Variants in APBB2 observed in about 807,000 individuals in gnomAD.
APBB2 encodes Fe65-like 1.
Under a neutral mutation model 82.5 loss-of-function variants are expected in APBB2, and 38 were observed. That is an observed-to-expected ratio of 0.46 (90% CI 0.36 to 0.60). The LOEUF (loss-of-function observed/expected upper bound fraction) is 0.60, where lower values mean the gene tolerates loss of function less well. Among genes scored for constraint, APBB2 ranks in the 20% least tolerant of loss-of-function variants. APBB2 has a pLI of 0.00. For missense variants in APBB2, 772 were observed against 972.3 expected (o/e 0.79, Z 2.74); for synonymous variants, 341 against 368.2 (o/e 0.93, Z 0.85).
chr4:40,921,841 C>T (rs543030736), intron 10 of APBB2, among the ~76,000 whole-genome samples: 2 of 152,216 alleles, frequency 1.3e-5, no homozygotes, highest in Admixed American at 6.5e-5. Flanking sequence ...TTGCTAGAGA[C>T]AAGGGTCGCT....
At chr4:41,148,844 A>C (rs1264649420) in intron 1 of APBB2, among the ~76,000 whole-genome samples, 1 of 152,196 alleles carries the variant, frequency 6.6e-6, no homozygotes, top group East Asian at 1.9e-4. Context: ...ACTAAAAAAA[A>C]ATTTCTGCTT....
intron 3 of APBB2, among the ~76,000 whole-genome samples, chr4:41,074,668 G>A (rs1485771203): frequency 6.7e-6 from 1 of 148,760 alleles, no homozygotes; most frequent in Non-Finnish European, 1.5e-5. Context: ...GGAGTGCAGT[G>A]GCACCATCTC....
At chr4:40,881,155 T>C in intron 12 of APBB2, 1 of 985,460 alleles carries the variant, frequency 1.0e-6, no homozygotes, top group Non-Finnish European at 1.2e-6. Context: ...TAAATCGTGA[T>C]GCCTCTGCTT....
chr4:41,159,993 G>A (rs997037792), intron 1 of APBB2, among the ~76,000 whole-genome samples: 1 of 147,880 alleles, frequency 6.8e-6, no homozygotes, highest in African/African-American at 2.6e-5. Flanking sequence ...AGAAGAAGAA[G>A]AAGAAGAAGA....
At chr4:40,863,241 A>G (rs1016270251) in intron 12 of APBB2, among the ~76,000 whole-genome samples, 2 of 152,224 alleles carry the variant, frequency 1.3e-5, no homozygotes, top group African/African-American at 4.8e-5. Flanking sequence ...CTATACTCAC[A>G]GCTATGTGGA....
intron 12 of APBB2, among the ~76,000 whole-genome samples, chr4:40,883,994 G>A: frequency 6.6e-6 from 1 of 152,324 alleles, no homozygotes; most frequent in Non-Finnish European, 1.5e-5. Context: ...CTTCAATGAA[G>A]AAGCCAGACT....
intron 12 of APBB2, among the ~76,000 whole-genome samples, chr4:40,874,964 A>C (rs1399639548): frequency 6.6e-6 from 1 of 152,224 alleles, no homozygotes; most frequent in Non-Finnish European, 1.5e-5. Flanking sequence ...AAAGAAAAAA[A>C]ATCAAAAAGC....
chr4:41,106,211 T>C (rs1747177319), intron 2 of APBB2, among the ~76,000 whole-genome samples: 1 of 152,162 alleles, frequency 6.6e-6, no homozygotes, highest in African/African-American at 2.4e-5. Context: ...GAAACTATAT[T>C]CTCAGGCTCT....
chr4:41,000,006 C>CGTG (rs1804687749), intron 6 of APBB2, among the ~76,000 whole-genome samples: 1 of 146,640 alleles, frequency 6.8e-6, no homozygotes, highest in Admixed American at 6.8e-5. Context: ...TGGTAAAACC[C>CGTG]CGTATTTACA....
chr4:41,135,788 C>T (rs1757394336), intron 2 of APBB2, among the ~76,000 whole-genome samples: 1 of 152,170 alleles, frequency 6.6e-6, no homozygotes, highest in Admixed American at 6.5e-5. Flanking sequence ...ATCCTCATTA[C>T]AGATGTATAC....
chr4:41,147,480 G>GC (rs1335053234), intron 1 of APBB2, among the ~76,000 whole-genome samples: 19 of 116,032 alleles, frequency 1.6e-4, no homozygotes, highest in African/African-American at 3.7e-4. Context: ...TGTTTGGCCA[G>GC]CTTTTTTTTT....
chr4:41,145,782 G>A (rs566416041), intron 1 of APBB2, among the ~76,000 whole-genome samples: 239 of 152,330 alleles, frequency 1.6e-3, no homozygotes, highest in Non-Finnish European at 2.7e-3. Context: ...ACCTGTGAGA[G>A]ACAGGAAAGA....
chr4:41,014,984 G>C (rs1004335121), intron 5 of APBB2, among the ~76,000 whole-genome samples: 1 of 152,098 alleles, frequency 6.6e-6, no homozygotes, highest in Non-Finnish European at 1.5e-5. Context: ...TTTTGACCTG[G>C]GCTTACTGTT....
At chr4:40,913,212 G>A (rs557309967) in intron 10 of APBB2, among the ~76,000 whole-genome samples, 1 of 152,200 alleles carries the variant, frequency 6.6e-6, no homozygotes, top group South Asian at 2.1e-4. Flanking sequence ...CAGTCTGGGG[G>A]GTCAGAGCTG....
At chr4:41,006,921 C>A (rs1375740114) in intron 6 of APBB2, among the ~76,000 whole-genome samples, 1 of 152,130 alleles carries the variant, frequency 6.6e-6, no homozygotes, top group African/African-American at 2.4e-5. Context: ...TAGCTAAAGC[C>A]AGAAATAAGA....
At chr4:40,839,010 T>C (rs1754956956) in intron 12 of APBB2, among the ~76,000 whole-genome samples, 1 of 152,048 alleles carries the variant, frequency 6.6e-6, no homozygotes, top group African/African-American at 2.4e-5. Flanking sequence ...TAAATCAGCC[T>C]GTTCTGTTGG....
At chr4:41,172,989 T>A (rs545439601) in intron 1 of APBB2, among the ~76,000 whole-genome samples, 1 of 152,338 alleles carries the variant, frequency 6.6e-6, no homozygotes, top group African/African-American at 2.4e-5. Context: ...ATACTCATCA[T>A]TAGTACATTT....
At chr4:41,162,871 A>G (rs114876721) in intron 1 of APBB2, among the ~76,000 whole-genome samples, 302 of 152,264 alleles carry the variant, frequency 2.0e-3, no homozygotes, top group African/African-American at 6.8e-3. Flanking sequence ...TAAATAATAA[A>G]TTTTATTTAA....
In APBB2 at chr4:41,006,119, A is replaced by T. The variant is rs147370062; in HGVS notation, c.835+7464T>A. On this transcript the variant is annotated intron_variant, in intron 6 of 17. Transcript: ENST00000508593. Reference sequence around the variant, plus strand: ...CCAAAACTACTTTATTCACTGGAACATATATTTTTGCATAGAACTTTCCAA... The same window carrying T: ...CCAAAACTACTTTATTCACTGGAACTTATATTTTTGCATAGAACTTTCCAA... Among the ~76,000 whole-genome samples the T allele has an allele frequency of 1.9e-3, 284 of 152,370 alleles. 1 individual carries two copies. In the Middle Eastern group the frequency reaches 0.031, roughly 16 times the overall value.
Sources: gnomAD v4.1 joint callset for allele counts (sites outside exome capture counted in the v4.1 genomes callset) on GRCh38, gnomAD v4.1.1 for gene constraint, MANE v1.5 for transcripts, NCBI Gene and HGNC (gene_info 2026-07-23, HGNC 2026-07-21) for gene names.